The following USP28 variants were observed in gnomAD, a reference collection of about 807,000 sequenced individuals.
USP28 encodes ubiquitin carboxyl-terminal hydrolase 28.
In USP28, 113 loss-of-function variants were observed where a neutral mutation model predicts 145.0. That is an observed-to-expected ratio of 0.78 (90% confidence interval 0.67 to 0.91). The LOEUF (loss-of-function observed/expected upper bound fraction) is 0.91. Ranked by LOEUF, USP28 falls within the 40% of genes least tolerant of loss-of-function variation. The pLI is 0.00. For missense variants in USP28, 1,201 were observed against 1,289.6 expected (o/e 0.93, Z 1.05); for synonymous variants, 447 against 450.9 (o/e 0.99, Z 0.11).
chr11:113,851,739 C>T (rs1176571559), intron 3 of USP28, among the ~76,000 whole-genome samples: 4 of 150,528 alleles, frequency 2.7e-5, no homozygotes, highest in Non-Finnish European at 5.9e-5. Flanking sequence ...GAGCGCAGAT[C>T]GCGCTATTGC....
At chr11:113,813,186 TAACAC>T (rs1941253261) in intron 15 of USP28, among the ~76,000 whole-genome samples, 1 of 152,214 alleles carries the variant, frequency 6.6e-6, no homozygotes, top group Admixed American at 6.5e-5. Context: ...ATTTTTGAAT[TAACAC>T]AAAAGAAAAA....
intron 9 of USP28, among the ~76,000 whole-genome samples, chr11:113,830,295 G>T (rs1943840698): frequency 6.6e-6 from 1 of 152,140 alleles, no homozygotes; most frequent in South Asian, 2.1e-4. Context: ...AGTCATATTG[G>T]TATTGGGTTA....
intron 14 of USP28, among the ~76,000 whole-genome samples, chr11:113,814,378 G>T (rs559484658): frequency 6.6e-6 from 1 of 152,144 alleles, no homozygotes; most frequent in Non-Finnish European, 1.5e-5. Context: ...GACAGGAAGG[G>T]GGGTAAGGTT....
intron 3 of USP28, among the ~76,000 whole-genome samples, chr11:113,852,122 G>A (rs1331341200): frequency 1.3e-5 from 2 of 152,100 alleles, no homozygotes; most frequent in East Asian, 1.9e-4. Flanking sequence ...TCTGCCTCCC[G>A]GGTTCATGCC....
intron 13 of USP28, among the ~76,000 whole-genome samples, chr11:113,816,974 G>A (rs114604799): frequency 0.01 from 1,551 of 152,218 alleles, 33 homozygotes; most frequent in African/African-American, 0.036. Context: ...TACGTGGGGC[G>A]GTGGCGGGGG....
At chr11:113,801,979 T>C (rs1939113036) in intron 23 of USP28, among the ~76,000 whole-genome samples, 1 of 152,198 alleles carries the variant, frequency 6.6e-6, no homozygotes, top group African/African-American at 2.4e-5. Context: ...ACCAAAGACC[T>C]GTTCACTGGT....
rs142782336 is a variant in USP28 at position 113,866,772 on chromosome 11, T to C, written c.57+8673A>G. ...CAAGAAGTTAAACATAGAATTACCATATGAGTCAACAATTCCTTCTAGGTA... is the reference window on the plus strand; with the variant it reads ...CAAGAAGTTAAACATAGAATTACCACATGAGTCAACAATTCCTTCTAGGTA... On this transcript the variant is annotated intron_variant, in intron 1 of 24. Coordinates refer to ENST00000003302, the Ensembl canonical transcript of USP28. Among the ~76,000 whole-genome samples, 325 of 152,300 alleles carry C rather than the reference T, an allele frequency of 2.1e-3. 2 individuals are homozygous for C. Among genetic ancestry groups the C allele is most frequent in the African/African-American group, 7.5e-3 (311 of 41,558 alleles).
At chr11:113,834,443 C>G (rs1036555146) in intron 5 of USP28, 108 bp from the exon 6 acceptor site, 2 of 716,784 alleles carry the variant, frequency 2.8e-6, no homozygotes, top group African/African-American at 3.6e-5. Context: ...GTATGCAAAA[C>G]TATCAACCTG....
At chr11:113,868,745 A>T (rs1948534261) in intron 1 of USP28, among the ~76,000 whole-genome samples, 1 of 151,284 alleles carries the variant, frequency 6.6e-6, no homozygotes, top group Admixed American at 6.6e-5. Flanking sequence ...ACATAAAGAG[A>T]CCCCCCATCT....
intron 12 of USP28, among the ~76,000 whole-genome samples, chr11:113,819,086 CAGA>C (rs2135580251): frequency 6.6e-6 from 1 of 150,656 alleles, no homozygotes; most frequent in Admixed American, 6.6e-5. Flanking sequence ...GGTTATCTTA[CAGA>C]AGAAGAAATA....
At chr11:113,829,229 G>C (rs2135900940) in exon 10 of USP28, 1 of 1,613,988 alleles carries the variant, frequency 6.2e-7, no homozygotes, top group Non-Finnish European at 8.5e-7. Context: ...TGATCGGAGG[G>C]AAGAAGCTCA....
At chr11:113,859,376 T>C (rs1275516321) in intron 1 of USP28, 1 of 152,070 alleles carries the variant, frequency 6.6e-6, no homozygotes, top group African/African-American at 2.4e-5. Flanking sequence ...TTAACTAAAA[T>C]TGGAACAATA....
chr11:113,838,458 C>A (rs1017230440), intron 5 of USP28, among the ~76,000 whole-genome samples: 15 of 152,228 alleles, frequency 9.9e-5, no homozygotes, highest in Admixed American at 2.0e-4. Context: ...TCCACCTCCA[C>A]CACCTTTCCT....
intron 16 of USP28, among the ~76,000 whole-genome samples, chr11:113,809,624 T>C (rs1391552189): frequency 6.6e-6 from 1 of 152,234 alleles, no homozygotes. Flanking sequence ...GATATTCACA[T>C]GTGGGATGCT....
intron 10 of USP28, chr11:113,828,993 T>C: frequency 2.7e-6 from 2 of 731,156 alleles, no homozygotes; most frequent in South Asian, 1.5e-5. Flanking sequence ...CACGAGTAAC[T>C]CAAATTCATA....
chr11:113,852,941 C>T (rs1423136315), intron 2 of USP28, among the ~76,000 whole-genome samples: 1 of 151,912 alleles, frequency 6.6e-6, no homozygotes, highest in Non-Finnish European at 1.5e-5. Flanking sequence ...GTCTAAAGCA[C>T]GATGTGTCAA....
At chr11:113,866,135 T>C (rs947278778) in intron 1 of USP28, among the ~76,000 whole-genome samples, 3 of 151,922 alleles carry the variant, frequency 2.0e-5, no homozygotes, top group African/African-American at 7.3e-5. Context: ...CCACTAAAAA[T>C]ACAAATATTA....
chr11:113,815,121 A>G (rs1941530466), intron 14 of USP28, 53 bp downstream of exon 14: 1 of 1,530,052 alleles, frequency 6.5e-7, no homozygotes, highest in South Asian at 1.1e-5. Flanking sequence ...ACCTCCAAAT[A>G]GTCAAAAAAC....
At chr11:113,843,533 C>T (rs554046857) in intron 3 of USP28, among the ~76,000 whole-genome samples, 34 of 150,298 alleles carry the variant, frequency 2.3e-4, no homozygotes, top group Non-Finnish European at 1.8e-4. Context: ...TAGCCAGGCG[C>T]GGTGGTGTAT....
Sources: gnomAD v4.1 joint callset for allele counts (sites outside exome capture counted in the v4.1 genomes callset) on GRCh38, gnomAD v4.1.1 for gene constraint, MANE v1.5 for transcripts, NCBI Gene and HGNC (gene_info 2026-07-23, HGNC 2026-07-21) for gene names.